Variants in TFAP2A observed in about 807,000 individuals in gnomAD.
TFAP2A encodes transcription factor AP-2-alpha.
A neutral mutation model predicts 41.5 loss-of-function variants in TFAP2A; 7 were observed. The observed-to-expected ratio is 0.17, with a 90% CI of 0.10 to 0.32. The LOEUF is 0.32. Ranked by LOEUF, TFAP2A falls within the 10% of genes least tolerant of loss-of-function variation. The probability of loss-of-function intolerance (pLI) is 1.00; values close to 1 mark genes in which losing one functional copy is unlikely to be tolerated. For synonymous variants in TFAP2A, 247 were observed against 242.8 expected, an observed-to-expected ratio of 1.02 and a Z score of -0.16; for missense variants, 416 against 563.3, an observed-to-expected ratio of 0.74 and a Z score of 2.65.
chr6:10,417,331 G>A (rs760793592), upstream of TFAP2A: 1 of 152,254 alleles, frequency 6.6e-6, no homozygotes, highest in South Asian at 2.1e-4. Context: ...CTAAACTGTT[G>A]TTGTATTCCC....
In TFAP2A at chr6:10,398,173, G is replaced by C. The variant is rs1409391499; in HGVS notation, c.*244C>G. 1 of 1,438,486 alleles carries C rather than the reference G, an allele frequency of 7.0e-7. No individual in the cohort carries two copies. The allele number at this position is 1,438,486 out of a possible 1,614,324, so 89.1% of individuals were successfully genotyped here. ...CTCTTAGGCTCCACATGAGGGCACA[G>C]GGGTGTGGGAGCGGGTGGGGAGGTC... On this transcript the variant is annotated 3_prime_UTR_variant, in exon 7 of 7. Coordinates refer to ENST00000379613, the MANE Select transcript of TFAP2A (RefSeq NM_001372066.1). The surrounding 1 kb of genome is among the most constrained non-coding windows in gnomAD (Gnocchi z 5.3).
At chr6:10,412,133 C>T in intron 1 of TFAP2A, 1 of 994,824 alleles carries the variant, frequency 1.0e-6, no homozygotes, top group Non-Finnish European at 1.2e-6. Flanking sequence ...GCTCTCAATG[C>T]AGTCCATTGA....
intron 2 of TFAP2A, chr6:10,407,091 A>G (rs1757748192): frequency 1.8e-6 from 1 of 553,778 alleles, no homozygotes; most frequent in Non-Finnish European, 3.2e-6. Flanking sequence ...AAAGGGGTGG[A>G]GATGGGGAAT....
At chr6:10,414,587 T>A (rs1438094595) in intron 1 of TFAP2A, 1 of 464,070 alleles carries the variant, frequency 2.2e-6, no homozygotes, top group Non-Finnish European at 3.9e-6. Flanking sequence ...GGGCCCTCAA[T>A]CTCGATGAAG....
At chr6:10,412,181 G>C in intron 1 of TFAP2A, 7 of 987,598 alleles carry the variant, frequency 7.1e-6, no homozygotes, top group Non-Finnish European at 8.4e-6. Flanking sequence ...TGGGGAGAGG[G>C]AGCGCGAGAG....
At chr6:10,404,165 CG>C (rs1757559498) in intron 4 of TFAP2A, among the ~76,000 whole-genome samples, 1 of 152,240 alleles carries the variant, frequency 6.6e-6, no homozygotes, top group Admixed American at 6.5e-5. Flanking sequence ...CGGCGCCCCG[CG>C]GCTGCAGTGG....
upstream of TFAP2A, among the ~76,000 whole-genome samples, chr6:10,419,062 C>G (rs550353417): frequency 4.7e-4 from 72 of 152,312 alleles, no homozygotes; most frequent in South Asian, 7.0e-3. Flanking sequence ...CTCCCTCCCC[C>G]CTTCCGAATT....
At chr6:10,412,210 A>G in intron 1 of TFAP2A, 1 of 986,572 alleles carries the variant, frequency 1.0e-6, no homozygotes, top group African/African-American at 1.8e-5. Context: ...CGAGCGAGAG[A>G]GGGAGCGGGC....
chr6:10,415,285 A>C (rs1758201542), upstream of TFAP2A: 1 of 1,401,580 alleles, frequency 7.1e-7, no homozygotes. Flanking sequence ...TCCCTTTTCC[A>C]GCTCTTTACC....
intron 1 of TFAP2A, chr6:10,412,082 A>T: frequency 1.0e-6 from 1 of 996,724 alleles, no homozygotes. Context: ...GAATGCCTGG[A>T]AATCGAGCGT....
At chr6:10,415,338 T>C (rs1758203260), upstream of TFAP2A, 1 of 1,203,338 alleles carries the variant, frequency 8.3e-7, no homozygotes, top group South Asian at 1.6e-5. Context: ...ATAGTCCAAT[T>C]GCTCGCCAGT....
rs960616888 is a variant in TFAP2A at position 10,398,084 on chromosome 6, A to T, written c.*333T>A. On this transcript the variant is annotated 3_prime_UTR_variant, in exon 7 of 7. Coordinates refer to ENST00000379613, the MANE Select transcript of TFAP2A (RefSeq NM_001372066.1). This position sits in a 1 kb window ranked among gnomAD's most constrained non-coding sequence, Gnocchi z 5.3. ...CTGTTGTTGATTTGTTGTTTTGTTT[A>T]AAAAAAAAAGGGTTCACAAACTTGG... is the stretch of plus-strand genomic sequence containing the variant. 1.0e-4 allele frequency: 80 copies of T among 795,602 alleles called. 1 individual carries two copies. Among genetic ancestry groups the T allele is most frequent in the South Asian group, 3.5e-4 (8 of 23,130 alleles). 49.3% of individuals were successfully genotyped at this position (795,602 alleles called of 1,614,324 possible). A position where few individuals can be genotyped will look rare whatever the true frequency, so the allele number is the denominator to read the frequency against.
At chr6:10,410,659 C>T (rs1391676331) in intron 1 of TFAP2A, among the ~76,000 whole-genome samples, 1 of 152,162 alleles carries the variant, frequency 6.6e-6, no homozygotes, top group African/African-American at 2.4e-5. Flanking sequence ...ATTAAAATTC[C>T]TCCTAAATAC....
chr6:10,411,454 G>T, intron 1 of TFAP2A: 1 of 1,577,660 alleles, frequency 6.3e-7, no homozygotes. Context: ...CAAATGGAGA[G>T]GGTGTCCTGA....
chr6:10,403,094 G>A (rs1237541471), intron 4 of TFAP2A, among the ~76,000 whole-genome samples: 6 of 152,160 alleles, frequency 3.9e-5, no homozygotes, highest in Admixed American at 3.3e-4. Context: ...AATTCGTTTC[G>A]CCAACTGTTT....
Position 10,399,876 on chromosome 6 carries a change from A to G in TFAP2A, c.1031+572T>C, listed in dbSNP as rs572955459. On this transcript the variant is annotated intron_variant, in intron 6 of 6. Coordinates refer to ENST00000379613, the MANE Select transcript of TFAP2A (RefSeq NM_001372066.1). ...CTATTTGACTTCTCGCCTGTGGGCT[A>G]AAACTTATGTGGGGTGTGGGTCTCT... is the stretch of plus-strand genomic sequence containing the variant. Among the ~76,000 whole-genome samples, 22 of 151,926 alleles carry G rather than the reference A, an allele frequency of 1.4e-4. No individual in the cohort carries two copies. The East Asian group carries it at 4.3e-3, about 30-fold the overall frequency.
chr6:10,397,349 A>G lies in TFAP2A; in HGVS notation c.*1068T>C, dbSNP rs1433409201. The G allele has an allele frequency of 6.6e-6, 1 of 152,164 alleles. No homozygotes were observed. The highest frequency in any genetic ancestry group is 2.4e-5 in the African/African-American group (1 of 41,428). The allele number at this position is 152,164 out of a possible 1,614,324, so 9.4% of individuals were successfully genotyped here. A position where few individuals can be genotyped will look rare whatever the true frequency, so the allele number is the denominator to read the frequency against. On this transcript the variant is annotated 3_prime_UTR_variant, in exon 7 of 7. Transcript: ENST00000379613. ...AATAAACTTTTTTTTTTCTCCCTAC[A>G]ATACATAGAAGGGTTATCAAACCAC...
chr6:10,398,070 T>C lies in TFAP2A; in HGVS notation c.*347A>G. ...TGTTGTTGTTGTTGCTGTTGTTGATTTGTTGTTTTGTTTAAAAAAAAAAGG... is the reference window on the plus strand; with the variant it reads ...TGTTGTTGTTGTTGCTGTTGTTGATCTGTTGTTTTGTTTAAAAAAAAAAGG... On this transcript the variant is annotated 3_prime_UTR_variant, in exon 7 of 7. Transcript: ENST00000379613. This position sits in a 1 kb window ranked among gnomAD's most constrained non-coding sequence, Gnocchi z 5.3. The C allele has an allele frequency of 8.6e-7, 1 of 1,157,360 alleles. No individual in the cohort carries two copies. The highest frequency in any genetic ancestry group is 1.1e-6 in the Non-Finnish European group (1 of 942,448). The allele number at this position is 1,157,360 out of a possible 1,614,324, so 71.7% of individuals were successfully genotyped here.
intron 1 of TFAP2A, chr6:10,412,813 C>A (rs890524484): frequency 5.4e-6 from 1 of 186,262 alleles, no homozygotes; most frequent in South Asian, 7.4e-5. Flanking sequence ...CCGGCCCGCT[C>A]GCTGCACTGG....
Sources: allele counts gnomAD v4.1 joint callset (sites outside exome capture counted in the v4.1 genomes callset), GRCh38; gene constraint gnomAD v4.1.1; non-coding constraint Gnocchi (gnomAD v3.1); transcripts MANE v1.5; gene names NCBI Gene and HGNC (gene_info 2026-07-23, HGNC 2026-07-21).